The following CALN1 variants were observed in gnomAD, a reference collection of about 807,000 sequenced individuals.
CALN1 encodes calcium-binding protein 8.
Under a neutral mutation model 30.6 loss-of-function variants are expected in CALN1, and 17 were observed. The ratio of observed to expected loss-of-function variants is 0.56; its 90% CI spans 0.38 to 0.83. The LOEUF (loss-of-function observed/expected upper bound fraction) is 0.83, where lower values mean the gene tolerates loss of function less well. Ranked by LOEUF, CALN1 falls within the 40% of genes least tolerant of loss-of-function variation. CALN1 has a pLI of 0.00. For synonymous variants in CALN1, 156 were observed against 131.4 expected, an observed-to-expected ratio of 1.19 and a Z score of -1.28; for missense variants, 291 against 354.9, an observed-to-expected ratio of 0.82 and a Z score of 1.45.
intron 5 of CALN1, among the ~76,000 whole-genome samples, chr7:71,873,528 C>T (rs1437000117): frequency 6.6e-6 from 1 of 152,194 alleles, no homozygotes; most frequent in African/African-American, 2.4e-5. Context: ...TCATCTAACC[C>T]AGTTCTTCTC....
intron 5 of CALN1, among the ~76,000 whole-genome samples, chr7:71,986,892 C>A (rs1434166082): frequency 6.6e-6 from 1 of 152,142 alleles, no homozygotes; most frequent in Non-Finnish European, 1.5e-5. Flanking sequence ...CTTTGGGAGA[C>A]TGAGGCAGGC....
chr7:72,313,087 G>A (rs530276733), intron 2 of CALN1, among the ~76,000 whole-genome samples: 4 of 152,100 alleles, frequency 2.6e-5, no homozygotes, highest in East Asian at 1.9e-4. Context: ...CGCCCACCTC[G>A]GCCTCCCAAA....
intron 5 of CALN1, among the ~76,000 whole-genome samples, chr7:72,003,215 T>TA (rs1399149955): frequency 1.9e-4 from 29 of 152,224 alleles, no homozygotes; most frequent in Admixed American, 1.9e-3. Flanking sequence ...TTCTATTTAC[T>TA]AACAATAAAC....
At chr7:72,239,517 C>A (rs1049906572) in intron 3 of CALN1, among the ~76,000 whole-genome samples, 1 of 152,162 alleles carries the variant, frequency 6.6e-6, no homozygotes, top group African/African-American at 2.4e-5. Context: ...ACATCTGACA[C>A]AGCATAAATA....
At chr7:71,989,904 A>AG (rs1798861028) in intron 5 of CALN1, among the ~76,000 whole-genome samples, 1 of 152,176 alleles carries the variant, frequency 6.6e-6, no homozygotes, top group Non-Finnish European at 1.5e-5. Context: ...GAAAGACAGA[A>AG]GAAGATACTA....
At chr7:72,464,877 C>T in the CALN1 span, among the ~76,000 whole-genome samples, 5,910 of 152,246 alleles carry the variant, frequency 0.039, 367 homozygotes, top group African/African-American at 0.13. Flanking sequence ...GAATGGGACC[C>T]GACCCAACCT....
At chr7:72,304,390 G>A (rs1037558101) in intron 2 of CALN1, among the ~76,000 whole-genome samples, 1 of 152,162 alleles carries the variant, frequency 6.6e-6, no homozygotes, top group East Asian at 1.9e-4. Flanking sequence ...ACTTTGGGAG[G>A]CCAAGGTGTT....
chr7:72,181,492 T>TA (rs1789802585), intron 3 of CALN1, among the ~76,000 whole-genome samples: 1 of 3,016 alleles, frequency 3.3e-4, no homozygotes, highest in Admixed American at 0.011. Flanking sequence ...ATAACTTTTT[T>TA]TTTTTTTTGA....
At chr7:72,082,742 C>G (rs893627603) in intron 4 of CALN1, among the ~76,000 whole-genome samples, 2 of 152,200 alleles carry the variant, frequency 1.3e-5, no homozygotes, top group African/African-American at 4.8e-5. Flanking sequence ...AAAGCTGTAA[C>G]AGAACTCCTA....
intron 5 of CALN1, among the ~76,000 whole-genome samples, chr7:71,814,070 A>T (rs954285812): frequency 6.6e-6 from 1 of 152,184 alleles, no homozygotes; most frequent in Admixed American, 6.6e-5. Flanking sequence ...GGAAAAGGAC[A>T]GCTTTCCTGG....
At chr7:71,952,080 C>A (rs1796721171) in intron 5 of CALN1, among the ~76,000 whole-genome samples, 1 of 152,166 alleles carries the variant, frequency 6.6e-6, no homozygotes, top group African/African-American at 2.4e-5. Flanking sequence ...GGGACATCTT[C>A]AAGAGAAACA....
At chr7:72,088,701 GAAAAAAA>G (rs71069024) in intron 4 of CALN1, among the ~76,000 whole-genome samples, 9 of 72,474 alleles carry the variant, frequency 1.2e-4, no homozygotes, top group Non-Finnish European at 2.1e-4. Context: ...TCCATCTCAA[GAAAAAAA>G]AAAAAAAAAA....
chr7:72,377,436 C>CGTGTGTGTGT (rs138060244), intron 2 of CALN1, among the ~76,000 whole-genome samples: 5,857 of 142,284 alleles, frequency 0.041, 148 homozygotes, highest in East Asian at 0.064. Context: ...GCCACACTTT[C>CGTGTGTGTGT]GTGTGTGTGT....
chr7:72,448,351 C>T (rs1219234788), upstream of CALN1, among the ~76,000 whole-genome samples: 4 of 152,130 alleles, frequency 2.6e-5, no homozygotes, highest in South Asian at 2.1e-4. Context: ...CTGGCATCTC[C>T]GGCTGCCTTT....
the CALN1 span, among the ~76,000 whole-genome samples, chr7:72,480,250 A>G: frequency 6.6e-6 from 1 of 152,228 alleles, no homozygotes; most frequent in Admixed American, 6.5e-5. Context: ...AGTACTTGTC[A>G]GGAATCAATG....
intron 3 of CALN1, among the ~76,000 whole-genome samples, chr7:72,253,453 C>T (rs489490): frequency 6.6e-6 from 1 of 152,002 alleles, no homozygotes; most frequent in Non-Finnish European, 1.5e-5. Flanking sequence ...AAGCAGTTTA[C>T]TTGACTCACA....
At chr7:72,130,865 A>G (rs979408128) in intron 3 of CALN1, among the ~76,000 whole-genome samples, 1 of 143,614 alleles carries the variant, frequency 7.0e-6, no homozygotes, top group African/African-American at 2.6e-5. Context: ...CAAAGCACAT[A>G]TTTTTCTTAG....
chr7:72,004,762 A>G (rs989290853), intron 5 of CALN1, among the ~76,000 whole-genome samples: 1 of 152,240 alleles, frequency 6.6e-6, no homozygotes, highest in African/African-American at 2.4e-5. Context: ...AAGGAGTAGT[A>G]TACAAAATAT....
At chr7:72,410,317 G>T (rs1807035199) in intron 1 of CALN1, among the ~76,000 whole-genome samples, 1 of 151,970 alleles carries the variant, frequency 6.6e-6, no homozygotes, top group African/African-American at 2.4e-5. Flanking sequence ...CCATCATTTT[G>T]AATATCTTAC....
Sources: allele counts gnomAD v4.1 joint callset (sites outside exome capture counted in the v4.1 genomes callset), GRCh38; gene constraint gnomAD v4.1.1; transcripts MANE v1.5; gene names NCBI Gene and HGNC (gene_info 2026-07-23, HGNC 2026-07-21).